The following TMED5 variants were observed in gnomAD, a reference collection of about 807,000 sequenced individuals.
TMED5 encodes the protein transmembrane p24 trafficking protein 5.
A neutral mutation model predicts 23.0 loss-of-function variants in TMED5; 27 were observed. The observed-to-expected ratio is 1.17, with a 90% CI of 0.86 to 1.62. The LOEUF is 1.62. TMED5 is among the 40% of genes most tolerant of loss of function. The pLI is 0.00. For synonymous variants in TMED5, 97 were observed against 100.8 expected, an observed-to-expected ratio of 0.96 and a Z score of 0.23; for missense variants, 248 against 273.7, an observed-to-expected ratio of 0.91 and a Z score of 0.66.
chr1:93,174,818 A>T (rs1346710045), intron 1 of TMED5, among the ~76,000 whole-genome samples: 1 of 152,120 alleles, frequency 6.6e-6, no homozygotes, highest in South Asian at 2.1e-4. Flanking sequence ...AAAAGACATG[A>T]TCTCATTCTT....
intron 1 of TMED5, chr1:93,162,328 G>T (rs1003267283): frequency 3.9e-5 from 6 of 152,244 alleles, no homozygotes; most frequent in Non-Finnish European, 8.8e-5. Context: ...TGGGTGCGGT[G>T]GCTCATGCCT....
At chr1:93,176,542 TA>T (rs765559125) in intron 1 of TMED5, among the ~76,000 whole-genome samples, 3 of 152,010 alleles carry the variant, frequency 2.0e-5, no homozygotes, top group Non-Finnish European at 4.4e-5. Flanking sequence ...TATATATATA[TA>T]TTTTTTTGAG....
At chr1:93,160,353 G>A (rs1648224342) in intron 1 of TMED5, 127 bp from the exon 2 acceptor site, 1 of 544,090 alleles carries the variant, frequency 1.8e-6, no homozygotes, top group Non-Finnish European at 3.3e-6. Flanking sequence ...AGTGATGTCT[G>A]AGCTAGAAAA....
intron 2 of TMED5, among the ~76,000 whole-genome samples, chr1:93,158,662 C>T (rs187374614): frequency 1.6e-3 from 250 of 151,868 alleles, no homozygotes; most frequent in African/African-American, 4.3e-3. Flanking sequence ...CCTCCGCCTC[C>T]GGGGTTCAAG....
chr1:93,166,142 A>G (rs1253638758), intron 1 of TMED5, among the ~76,000 whole-genome samples: 3 of 152,134 alleles, frequency 2.0e-5, no homozygotes, highest in African/African-American at 7.2e-5. Flanking sequence ...TAAGCACCAC[A>G]TTTTCTTTAT....
chr1:93,180,391 C>T lies in TMED5; in HGVS notation c.-149G>A. ...GCCGCGGCGGCGGCGAACACTCCCT[C>T]CGAAAGAGAAGCGCAGTTCTCCAAA... On this transcript the variant is annotated 5_prime_UTR_variant, in exon 1 of 4. Coordinates refer to ENST00000370282, the MANE Select transcript of TMED5 (RefSeq NM_016040.5). 1.6e-6 allele frequency: 2 copies of T among 1,246,518 alleles called. No homozygotes were observed. The highest frequency in any genetic ancestry group is 2.7e-5 in the East Asian group (1 of 36,888). The allele number at this position is 1,246,518 out of a possible 1,614,324, so 77.2% of individuals were successfully genotyped here. A position where few individuals can be genotyped will look rare whatever the true frequency, so the allele number is the denominator to read the frequency against.
chr1:93,179,921 C>G (rs1649230401), intron 1 of TMED5, 133 bp downstream of exon 1: 1 of 964,230 alleles, frequency 1.0e-6, no homozygotes, highest in Non-Finnish European at 1.5e-6. Flanking sequence ...CTGCGCGGAG[C>G]GGGCTGGCTT....
intron 3 of TMED5, 111 bp from the exon 4 acceptor site, chr1:93,154,999 G>A (rs1038587810): frequency 2.7e-5 from 21 of 770,212 alleles, no homozygotes; most frequent in Non-Finnish European, 4.1e-5. Flanking sequence ...GGAACTTTGG[G>A]AGACTAGGGC....
intron 2 of TMED5, among the ~76,000 whole-genome samples, chr1:93,156,963 C>T (rs1241468814): frequency 4.6e-5 from 7 of 152,026 alleles, no homozygotes; most frequent in Non-Finnish European, 1.0e-4. Flanking sequence ...TGTTCAAGTA[C>T]AACTTAGACA....
chr1:93,154,648 T>A lies in TMED5; in HGVS notation c.*22A>T, dbSNP rs375367558. On this transcript the variant is annotated 3_prime_UTR_variant, in exon 4 of 4. Coordinates refer to ENST00000370282, the MANE Select transcript of TMED5 (RefSeq NM_016040.5). ...CATTTTTATGCCTCATTTTTCAATG[T>A]TACGTACTCTAGTTTGGAGTTTTAA... 6.4e-6 allele frequency: 10 copies of A among 1,565,840 alleles called. No homozygotes were observed. In the East Asian group the frequency reaches 2.0e-4, roughly 32 times the overall value.
chr1:93,176,880 C>T (rs1648932033), intron 1 of TMED5, among the ~76,000 whole-genome samples: 1 of 152,174 alleles, frequency 6.6e-6, no homozygotes, highest in Admixed American at 6.5e-5. Flanking sequence ...AGTGCTGACA[C>T]ATATCAAGCA....
intron 1 of TMED5, among the ~76,000 whole-genome samples, chr1:93,174,654 CA>C (rs1648844392): frequency 6.6e-6 from 1 of 152,156 alleles, no homozygotes; most frequent in Non-Finnish European, 1.5e-5. Flanking sequence ...CCTCCCTCCT[CA>C]AGTAAATCCC....
At chr1:93,162,266 CT>C (rs1428034458) in intron 1 of TMED5, 1 of 152,152 alleles carries the variant, frequency 6.6e-6, no homozygotes, top group Non-Finnish European at 1.5e-5. Flanking sequence ...TAATTTTCTT[CT>C]TTAAATCCCA....
intron 1 of TMED5, among the ~76,000 whole-genome samples, chr1:93,174,506 T>G (rs1648840715): frequency 6.6e-6 from 1 of 152,188 alleles, no homozygotes; most frequent in African/African-American, 2.4e-5. Context: ...TATTTTAGGC[T>G]TGGGGATACA....
At chr1:93,155,089 T>C (rs1184362926) in intron 3 of TMED5, among the ~76,000 whole-genome samples, 1 of 151,978 alleles carries the variant, frequency 6.6e-6, no homozygotes, top group African/African-American at 2.4e-5. Context: ...AAGATGGGTA[T>C]GGTAGCACCA....
chr1:93,176,162 G>C (rs144045654), intron 1 of TMED5, among the ~76,000 whole-genome samples: 64 of 152,280 alleles, frequency 4.2e-4, no homozygotes, highest in African/African-American at 1.5e-3. Flanking sequence ...TGTTGCTACT[G>C]ACTTCTCTAA....
intron 1 of TMED5, chr1:93,161,246 C>A (rs1157402069): frequency 6.6e-6 from 1 of 151,982 alleles, no homozygotes; most frequent in African/African-American, 2.4e-5. Context: ...AAAACTGAGG[C>A]ACAGAGAAAT....
chr1:93,163,750 T>C (rs2783491), intron 1 of TMED5, among the ~76,000 whole-genome samples: 149,624 of 151,538 alleles, frequency 0.99, 73,875 homozygotes, highest in East Asian at 1. Flanking sequence ...CTGAGGTGGG[T>C]GGATCACTTG....
intron 1 of TMED5, among the ~76,000 whole-genome samples, chr1:93,175,195 A>G (rs1648868044): frequency 7.0e-6 from 1 of 142,452 alleles, no homozygotes; most frequent in African/African-American, 2.7e-5. Flanking sequence ...ATATATATAT[A>G]TATATAAATG....
Sources: allele counts gnomAD v4.1 joint callset (sites outside exome capture counted in the v4.1 genomes callset), GRCh38; gene constraint gnomAD v4.1.1; transcripts MANE v1.5; gene names NCBI Gene and HGNC (gene_info 2026-07-23, HGNC 2026-07-21).